PCDHGB2: variants seen among roughly 807,000 people sequenced by gnomAD.
PCDHGB2 encodes the protein protocadherin gamma subfamily B, 2.
Under a neutral mutation model 59.3 loss-of-function variants are expected in PCDHGB2, and 55 were observed. That is an observed-to-expected ratio of 0.93 (90% CI 0.75 to 1.16). The LOEUF is 1.16. Among genes scored for constraint, PCDHGB2 ranks in the 50% most tolerant of loss-of-function variants. The probability of loss-of-function intolerance (pLI) is 0.00; values close to 1 mark genes in which losing one functional copy is unlikely to be tolerated. For missense variants in PCDHGB2, 1,228 were observed against 1,198.5 expected, an observed-to-expected ratio of 1.02 and a Z score of -0.36; for synonymous variants, 516 against 512.0, an observed-to-expected ratio of 1.01 and a Z score of -0.11.
intron 1 of PCDHGB2, chr5:141,430,941 A>G: frequency 6.2e-7 from 1 of 1,608,258 alleles, no homozygotes; most frequent in Non-Finnish European, 8.5e-7. Context: ...GAGCTCGCGG[A>G]GCGCGGAGTC....
Position 141,371,593 on chromosome 5 carries a change from A to C in PCDHGB2, c.2421+9037A>C, listed in dbSNP as rs758082937. The C allele has an allele frequency of 1.2e-6, 2 of 1,613,972 alleles. No individual in the cohort carries two copies. The highest frequency in any genetic ancestry group is 1.7e-6 in the Non-Finnish European group (2 of 1,179,876). The stretch of plus-strand genomic sequence containing the variant: ...TTTAAAATCGTTCAAGATACCAAAA[A>C]CACATACAGGTTGGTGACAGATGGA... On this transcript the variant is annotated intron_variant, in intron 1 of 3. Coordinates refer to ENST00000522605, the MANE Select transcript of PCDHGB2 (RefSeq NM_018923.3).
chr5:141,426,858 T>G (rs898486771), intron 1 of PCDHGB2: 13 of 456,574 alleles, frequency 2.8e-5, no homozygotes, highest in African/African-American at 8.0e-5. Context: ...CGCTCCAGAA[T>G]TAGTGCTGGA....
rs753664223 is a variant in PCDHGB2 at position 141,410,518 on chromosome 5, C to G, written c.2421+47962C>G. 5.0e-6 allele frequency: 8 copies of G among 1,613,820 alleles called. No homozygotes were observed. In the East Asian group the frequency reaches 1.8e-4, roughly 36 times the overall value. On this transcript the variant is annotated intron_variant, in intron 1 of 3. Coordinates refer to ENST00000522605, the MANE Select transcript of PCDHGB2 (RefSeq NM_018923.3). ...TTAATTTCCTAAAATGCAGTGTGCC[C>G]CTACATTCCAATGAAGACATGGTTT...
At chr5:141,446,132 TA>T (rs1252851903) in intron 1 of PCDHGB2, among the ~76,000 whole-genome samples, 1 of 152,204 alleles carries the variant, frequency 6.6e-6, no homozygotes, top group African/African-American at 2.4e-5. Context: ...CAATAAGACT[TA>T]ATAATGGAAT....
rs112156044 is a variant in PCDHGB2, at chr5:141,476,771, G to T, written c.2422-18036G>T. ...CCAGTTAGTGCTGACGGCGTTGGAC[G>T]GAGGGACCCCAGCTCTCTCCGCCAG... On this transcript the variant is annotated intron_variant, in intron 1 of 3. Coordinates refer to ENST00000522605, the MANE Select transcript of PCDHGB2 (RefSeq NM_018923.3). The surrounding 1 kb of genome is among the most constrained non-coding windows in gnomAD (Gnocchi z 7.6). The T allele has an allele frequency of 6.2e-7, 1 of 1,613,700 alleles. No homozygotes were observed. The highest frequency in any genetic ancestry group is 1.1e-5 in the South Asian group (1 of 91,084).
intron 1 of PCDHGB2, chr5:141,370,273 C>G: frequency 1.2e-6 from 1 of 809,002 alleles, no homozygotes; most frequent in East Asian, 2.7e-5. Context: ...GCAGCGGAGA[C>G]ACCCATTAGA....
chr5:141,392,511 A>T (rs1368500575), intron 1 of PCDHGB2: 1 of 240,352 alleles, frequency 4.2e-6, no homozygotes, highest in Non-Finnish European at 7.9e-6. Flanking sequence ...TTTTTTTCTC[A>T]GTAATCTAGT....
chr5:141,460,669 TTATATATC>T (rs1176483278), intron 1 of PCDHGB2, among the ~76,000 whole-genome samples: 1 of 152,032 alleles, frequency 6.6e-6, no homozygotes, highest in African/African-American at 2.4e-5. Flanking sequence ...GTAAACACAG[TTATATATC>T]TATATATCCA....
intron 1 of PCDHGB2, chr5:141,365,905 G>A (rs539434078): frequency 1.2e-6 from 2 of 1,614,190 alleles, no homozygotes; most frequent in East Asian, 2.2e-5. Flanking sequence ...ATGAGCAGTT[G>A]AGAGACCTAC....
At chr5:141,371,799 G>T (rs1768052133) in intron 1 of PCDHGB2, 5 of 1,613,926 alleles carry the variant, frequency 3.1e-6, no homozygotes, top group Middle Eastern at 1.6e-4. Flanking sequence ...TCCGCCTGGA[G>T]CCTCCATTGC....
Position 141,493,022 on chromosome 5 carries a change from G to T in PCDHGB2, c.2422-1785G>T, listed in dbSNP as rs1184742888. ...GCTATAGGCTCTGCCAGATGCCAGG[G>T]TGCCCTTATGTGTGAGGAAACTACA... On this transcript the variant is annotated intron_variant, in intron 1 of 3. Transcript: ENST00000522605. The surrounding 1 kb of genome is among the most constrained non-coding windows in gnomAD (Gnocchi z 4.3). Among the ~76,000 whole-genome samples the T allele has an allele frequency of 1.3e-5, 2 of 152,222 alleles. No individual in the cohort carries two copies. Among genetic ancestry groups the T allele is most frequent in the Admixed American group, 1.3e-4 (2 of 15,282 alleles).
At chr5:141,372,835 C>G in intron 1 of PCDHGB2, 2 of 1,535,142 alleles carry the variant, frequency 1.3e-6, no homozygotes, top group Non-Finnish European at 1.8e-6. Flanking sequence ...CCTTTCCTTC[C>G]ATAAATATAA....
chr5:141,388,379 C>T (rs901735153), intron 1 of PCDHGB2: 1 of 1,613,998 alleles, frequency 6.2e-7, no homozygotes, highest in South Asian at 1.1e-5. Flanking sequence ...TTGGTAGCAA[C>T]ACACTGCAGA....
At chr5:141,421,960 C>G in intron 1 of PCDHGB2, 3 of 1,612,526 alleles carry the variant, frequency 1.9e-6, no homozygotes, top group Non-Finnish European at 2.5e-6. Context: ...AATGTTTACA[C>G]AGTCCGTATA....
chr5:141,435,890 A>G (rs2097784923), intron 1 of PCDHGB2, among the ~76,000 whole-genome samples: 1 of 152,176 alleles, frequency 6.6e-6, no homozygotes, highest in Non-Finnish European at 1.5e-5. Context: ...AACCCCTTAG[A>G]GAATGAAAGA....
intron 1 of PCDHGB2, chr5:141,395,105 G>T: frequency 1.9e-6 from 3 of 1,614,220 alleles, no homozygotes; most frequent in Non-Finnish European, 2.5e-6. Context: ...CCGACTCGCG[G>T]AAGAGTCACC....
intron 1 of PCDHGB2, among the ~76,000 whole-genome samples, chr5:141,382,554 T>C (rs1388983108): frequency 6.6e-6 from 1 of 152,216 alleles, no homozygotes; most frequent in African/African-American, 2.4e-5. Flanking sequence ...CAGGGATATC[T>C]AGAGCAAAGA....
chr5:141,393,508 T>A (rs540869636), intron 1 of PCDHGB2: 2 of 1,614,010 alleles, frequency 1.2e-6, no homozygotes, highest in East Asian at 4.5e-5. Flanking sequence ...CACGTGACAG[T>A]GTTGGATACA....
At chr5:141,458,289 T>G (rs2154566205) in intron 1 of PCDHGB2, among the ~76,000 whole-genome samples, 1 of 152,280 alleles carries the variant, frequency 6.6e-6, no homozygotes, top group African/African-American at 2.4e-5. Flanking sequence ...CTGGTCCTCA[T>G]GCTGGTTTAG....
Sources: allele counts gnomAD v4.1 joint callset (sites outside exome capture counted in the v4.1 genomes callset), GRCh38; gene constraint gnomAD v4.1.1; non-coding constraint Gnocchi (gnomAD v3.1); transcripts MANE v1.5; gene names NCBI Gene and HGNC (gene_info 2026-07-23, HGNC 2026-07-21).